The following STK33 variants were observed in gnomAD, a reference collection of about 807,000 sequenced individuals.
STK33 encodes serine/threonine-protein kinase 33.
Under a neutral mutation model 58.0 loss-of-function variants are expected in STK33, and 52 were observed. The observed-to-expected ratio is 0.90, with a 90% CI of 0.72 to 1.13. STK33 has a LOEUF of 1.13. STK33 is among the 50% of genes most tolerant of loss of function. The pLI is 0.00. For synonymous variants in STK33, 215 were observed against 200.1 expected, an observed-to-expected ratio of 1.07 and a Z score of -0.63; for missense variants, 630 against 604.2, an observed-to-expected ratio of 1.04 and a Z score of -0.45.
intron 1 of STK33, among the ~76,000 whole-genome samples, chr11:8,555,837 C>G (rs1018824567): frequency 2.6e-5 from 4 of 151,696 alleles, no homozygotes; most frequent in Admixed American, 6.6e-5. Flanking sequence ...ATTATGATGT[C>G]AATTAAAAAT....
intron 8 of STK33, among the ~76,000 whole-genome samples, chr11:8,457,854 A>G (rs2137130886): frequency 6.6e-6 from 1 of 152,328 alleles, no homozygotes; most frequent in South Asian, 2.1e-4. Context: ...GAATAGGCAG[A>G]GCACATGGTA....
intron 11 of STK33, among the ~76,000 whole-genome samples, chr11:8,443,513 A>G (rs1475257027): frequency 6.6e-6 from 1 of 152,110 alleles, no homozygotes; most frequent in East Asian, 1.9e-4. Context: ...TTCTAAAAAC[A>G]CTTATAAATA....
chr11:8,500,034 C>T (rs1432477013), intron 1 of STK33, among the ~76,000 whole-genome samples: 1 of 151,972 alleles, frequency 6.6e-6, no homozygotes, highest in African/African-American at 2.4e-5. Flanking sequence ...CAAACCTACA[C>T]GTTCTGCACA....
Position 8,426,820 on chromosome 11 carries a change from ATTG to A in STK33, c.1146+8671_1146+8673del, listed in dbSNP as rs533841754. Among the ~76,000 whole-genome samples the A allele has an allele frequency of 1.3e-4, 19 of 151,886 alleles. No homozygotes were observed. The South Asian group carries it at 3.5e-3, about 28-fold the overall frequency. ...TTCAGTCTCTGCCCCCTTCCATATC[ATTG>A]TTATTTCAGTTTCTCCCACTCTTTA... On this transcript the variant is annotated intron_variant, in intron 14 of 15. Transcript: ENST00000687296.
At chr11:8,345,153 A>C in the STK33 span, among the ~76,000 whole-genome samples, 1 of 152,182 alleles carries the variant, frequency 6.6e-6, no homozygotes, top group African/African-American at 2.4e-5. Context: ...GGCTCTAAGC[A>C]TCTCCAGAGC....
chr11:8,387,001 C>A (rs138849642), downstream of STK33, among the ~76,000 whole-genome samples: 2 of 152,304 alleles, frequency 1.3e-5, no homozygotes, highest in South Asian at 4.1e-4. Context: ...TTTCTCTCTT[C>A]GGTTAAAAAC....
At chr11:8,417,539 T>TGA (rs1407292802) in intron 14 of STK33, among the ~76,000 whole-genome samples, 3 of 152,052 alleles carry the variant, frequency 2.0e-5, no homozygotes, top group Non-Finnish European at 4.4e-5. Flanking sequence ...TGAGCTGGGG[T>TGA]GAGATGGTAT....
intron 15 of STK33, among the ~76,000 whole-genome samples, chr11:8,402,466 G>T (rs1270753587): frequency 6.6e-6 from 1 of 152,148 alleles, no homozygotes; most frequent in Non-Finnish European, 1.5e-5. Flanking sequence ...GGCCTGTTGT[G>T]GGGTGGGGGC....
chr11:8,432,528 A>G (rs1046357432), intron 14 of STK33, among the ~76,000 whole-genome samples: 2 of 152,172 alleles, frequency 1.3e-5, no homozygotes, highest in African/African-American at 4.8e-5. Flanking sequence ...TTGAAATTCC[A>G]TTCCCTTAAA....
chr11:8,488,744 G>C (rs371938429), intron 1 of STK33, among the ~76,000 whole-genome samples: 1 of 152,108 alleles, frequency 6.6e-6, no homozygotes, highest in African/African-American at 2.4e-5. Flanking sequence ...GGGGAGGGGA[G>C]AGTATCTTAT....
At position 8,567,709 on chromosome 11, in the gene STK33, C is replaced by A. The variant is rs960046111; in HGVS notation, c.-466+26374G>T. 3.9e-5 allele frequency among the ~76,000 whole-genome samples: 6 copies of A among 152,148 alleles called. No individual in the cohort carries two copies. In the East Asian group the frequency reaches 7.7e-4, roughly 20 times the overall value. ...CCCAATATGGGCATGATGAATAACA[C>A]CAGATTCTATCCTTTAAACCAAAAA... On this transcript the variant is annotated intron_variant, in intron 1 of 15. Transcript: ENST00000687296.
At chr11:8,381,143 C>A in the STK33 span, among the ~76,000 whole-genome samples, 1 of 152,038 alleles carries the variant, frequency 6.6e-6, no homozygotes, top group Non-Finnish European at 1.5e-5. Flanking sequence ...GGATAAAAAC[C>A]TACATATTGG....
chr11:8,353,011 G>C, the STK33 span, among the ~76,000 whole-genome samples: 4 of 152,244 alleles, frequency 2.6e-5, no homozygotes, highest in Non-Finnish European at 4.4e-5. Flanking sequence ...CGTGCTGCTA[G>C]CTGACGGGAA....
At chr11:8,351,073 T>C in the STK33 span, among the ~76,000 whole-genome samples, 1 of 151,654 alleles carries the variant, frequency 6.6e-6, no homozygotes, top group Admixed American at 6.6e-5. Context: ...TCTCCTGGGG[T>C]CCCCAGATAG....
At chr11:8,489,272 G>GAAAAAAAAAAAAAAAAAAAAAAAAAAAAA (rs60919146) in intron 1 of STK33, among the ~76,000 whole-genome samples, 1 of 126,592 alleles carries the variant, frequency 7.9e-6, no homozygotes, top group Non-Finnish European at 1.6e-5. Flanking sequence ...AAAAAAAAAA[G>GAAAAAAAAAAAAAAAAAAAAAAAAAAAAA]AAAAAAAAAA....
At chr11:8,491,575 A>C (rs1319751510) in intron 1 of STK33, among the ~76,000 whole-genome samples, 1 of 152,234 alleles carries the variant, frequency 6.6e-6, no homozygotes, top group Non-Finnish European at 1.5e-5. Flanking sequence ...CAACATTCAA[A>C]TTCAGGAAAT....
chr11:8,557,352 A>AGAAGGATGGAAGGAAGGAAGGAAGGAAG (rs1956835585), intron 1 of STK33, among the ~76,000 whole-genome samples: 1 of 139,672 alleles, frequency 7.2e-6, no homozygotes, highest in African/African-American at 2.8e-5. Flanking sequence ...GAGGGAGGAA[A>AGAAGGATGGAAGGAAGGAAGGAAGGAAG]GAAGGATGGA....
At chr11:8,419,413 G>A (rs1204506856) in intron 14 of STK33, among the ~76,000 whole-genome samples, 1 of 151,964 alleles carries the variant, frequency 6.6e-6, no homozygotes, top group Non-Finnish European at 1.5e-5. Context: ...CTTATTTCTG[G>A]GCTCTCTATT....
At chr11:8,361,925 G>C in the STK33 span, among the ~76,000 whole-genome samples, 2 of 152,218 alleles carry the variant, frequency 1.3e-5, no homozygotes, top group African/African-American at 4.8e-5. This position sits in a 1 kb window ranked among gnomAD's most constrained non-coding sequence, Gnocchi z 4.8. Context: ...TCACATGCCT[G>C]CTTGGCCACT....
Sources: gnomAD v4.1 joint callset for allele counts (sites outside exome capture counted in the v4.1 genomes callset) on GRCh38, gnomAD v4.1.1 for gene constraint, Gnocchi (gnomAD v3.1) non-coding constraint, MANE v1.5 for transcripts, NCBI Gene and HGNC (gene_info 2026-07-23, HGNC 2026-07-21) for gene names.